The following MYO3B variants were observed in gnomAD, a reference collection of about 807,000 sequenced individuals.
MYO3B encodes myosin-IIIb.
A neutral mutation model predicts 174.6 loss-of-function variants in MYO3B; 156 were observed. That is an observed-to-expected ratio of 0.89 (90% CI 0.78 to 1.02). The LOEUF is 1.02. Ranked by LOEUF, MYO3B falls within the 50% of genes least tolerant of loss-of-function variation. The pLI is 0.00. For synonymous variants in MYO3B, 563 were observed against 569.1 expected (o/e 0.99, Z 0.15); for missense variants, 1,632 against 1,639.4 (o/e 1.00, Z 0.08).
chr2:170,306,058 G>A (rs1443397665), intron 7 of MYO3B, among the ~76,000 whole-genome samples: 2 of 152,200 alleles, frequency 1.3e-5, no homozygotes, highest in African/African-American at 4.8e-5. Context: ...TGGGTCCATG[G>A]TGGTTTCACT....
At chr2:170,484,867 C>T (rs1243315536) in intron 25 of MYO3B, among the ~76,000 whole-genome samples, 1 of 152,092 alleles carries the variant, frequency 6.6e-6, no homozygotes, top group Non-Finnish European at 1.5e-5. Context: ...AATTTTTATA[C>T]ACACAAAGGG....
intron 30 of MYO3B, among the ~76,000 whole-genome samples, chr2:170,541,444 C>G (rs539583430): frequency 3.3e-5 from 5 of 152,128 alleles, no homozygotes; most frequent in Admixed American, 6.6e-5. Flanking sequence ...TTAGCTCTAC[C>G]AGGTATTTAC....
At chr2:170,555,591 G>T (rs754802661) in intron 32 of MYO3B, among the ~76,000 whole-genome samples, 30 of 152,102 alleles carry the variant, frequency 2.0e-4, no homozygotes, top group Non-Finnish European at 3.2e-4. Flanking sequence ...TACTTAAGAG[G>T]CCAGGTGTGG....
intron 28 of MYO3B, among the ~76,000 whole-genome samples, chr2:170,502,293 G>T (rs141654954): frequency 2.0e-3 from 301 of 152,292 alleles, no homozygotes; most frequent in Non-Finnish European, 3.4e-3. Flanking sequence ...TGTTAAATGA[G>T]AGCGCTGGTT....
At chr2:170,423,889 GC>G (rs2094639299) in intron 22 of MYO3B, among the ~76,000 whole-genome samples, 2 of 152,114 alleles carry the variant, frequency 1.3e-5, no homozygotes, top group Admixed American at 6.5e-5. Flanking sequence ...CATAGCAAAA[GC>G]TTTTTAGCAG....
intron 6 of MYO3B, among the ~76,000 whole-genome samples, chr2:170,220,163 A>C (rs1467063594): frequency 2.0e-5 from 3 of 151,886 alleles, no homozygotes; most frequent in Admixed American, 2.0e-4. Flanking sequence ...GAGGCTGAGC[A>C]AGAAGAATGG....
At chr2:170,423,769 C>T (rs954645457) in intron 22 of MYO3B, among the ~76,000 whole-genome samples, 4 of 151,814 alleles carry the variant, frequency 2.6e-5, no homozygotes, top group East Asian at 2.0e-4. Context: ...TTAGTAAAGA[C>T]GGGGTTTCAC....
chr2:170,516,864 G>C (rs1298107210), intron 29 of MYO3B, among the ~76,000 whole-genome samples: 1 of 152,036 alleles, frequency 6.6e-6, no homozygotes, highest in Non-Finnish European at 1.5e-5. Flanking sequence ...TACTATTTAA[G>C]TTCATAATTT....
chr2:170,191,980 G>A (rs1235969523), intron 1 of MYO3B, among the ~76,000 whole-genome samples: 1 of 152,166 alleles, frequency 6.6e-6, no homozygotes, highest in African/African-American at 2.4e-5. Flanking sequence ...GTATTCCGAA[G>A]TGAGGTTGAT....
At chr2:170,252,292 G>A (rs1247707657) in intron 7 of MYO3B, among the ~76,000 whole-genome samples, 2 of 152,198 alleles carry the variant, frequency 1.3e-5, no homozygotes, top group Non-Finnish European at 2.9e-5. Flanking sequence ...CATTGGATTG[G>A]TAATAATATG....
At chr2:170,490,591 G>A (rs1410326139) in intron 25 of MYO3B, among the ~76,000 whole-genome samples, 1 of 152,014 alleles carries the variant, frequency 6.6e-6, no homozygotes, top group African/African-American at 2.4e-5. Flanking sequence ...TAGGAGTGAT[G>A]AGAGTGGACA....
intron 32 of MYO3B, among the ~76,000 whole-genome samples, chr2:170,553,603 A>G (rs1239334852): frequency 6.6e-6 from 1 of 152,170 alleles, no homozygotes; most frequent in Non-Finnish European, 1.5e-5. Flanking sequence ...CTTGCCTCAG[A>G]TAAGACTTTG....
chr2:170,446,467 G>A (rs943003040), intron 23 of MYO3B, among the ~76,000 whole-genome samples: 5 of 152,102 alleles, frequency 3.3e-5, no homozygotes. Context: ...CACATGAAAA[G>A]TGTGCCTTCT....
intron 32 of MYO3B, among the ~76,000 whole-genome samples, chr2:170,615,052 A>G (rs1042526292): frequency 2.6e-5 from 4 of 151,872 alleles, no homozygotes; most frequent in African/African-American, 9.7e-5. Flanking sequence ...TGTAGCATTC[A>G]CTACTGTGGA....
intron 21 of MYO3B, 125 bp downstream of exon 21, chr2:170,405,758 C>G (rs2094505554): frequency 1.8e-5 from 14 of 775,534 alleles, no homozygotes; most frequent in Non-Finnish European, 2.4e-5. Context: ...TCCTGAATAC[C>G]TAATCATAAT....
At chr2:170,433,998 A>G (rs1311798725) in intron 22 of MYO3B, among the ~76,000 whole-genome samples, 1 of 152,212 alleles carries the variant, frequency 6.6e-6, no homozygotes, top group Non-Finnish European at 1.5e-5. Flanking sequence ...ATGCTAAGGG[A>G]GAAAGTAAAA....
intron 7 of MYO3B, among the ~76,000 whole-genome samples, chr2:170,291,814 C>G (rs747600077): frequency 6.6e-6 from 1 of 151,816 alleles, no homozygotes; most frequent in Non-Finnish European, 1.5e-5. Context: ...ATTGGAGATC[C>G]TTTATATCTT....
chr2:170,234,940 C>A (rs1452673630), intron 6 of MYO3B, among the ~76,000 whole-genome samples: 2 of 152,222 alleles, frequency 1.3e-5, no homozygotes, highest in African/African-American at 4.8e-5. Context: ...CTATCCTCTG[C>A]ACAGTAGCCA....
At chr2:170,545,838 C>T (rs1690447314) in intron 32 of MYO3B, among the ~76,000 whole-genome samples, 1 of 152,162 alleles carries the variant, frequency 6.6e-6, no homozygotes, top group African/African-American at 2.4e-5. Flanking sequence ...CTCCATTCTT[C>T]TGCTTTAGCT....
Sources: allele counts gnomAD v4.1 joint callset (sites outside exome capture counted in the v4.1 genomes callset), GRCh38; gene constraint gnomAD v4.1.1; transcripts MANE v1.5; gene names NCBI Gene and HGNC (gene_info 2026-07-23, HGNC 2026-07-21).